ODAD3: variants seen among roughly 807,000 people sequenced by gnomAD.
The protein encoded by ODAD3 is outer dynein arm docking complex subunit 3.
A neutral mutation model predicts 70.9 loss-of-function variants in ODAD3; 57 were observed. The observed-to-expected ratio is 0.80, with a 90% confidence interval of 0.65 to 1.00. ODAD3 has a LOEUF of 1.00. Among genes scored for constraint, ODAD3 ranks in the 50% least tolerant of loss-of-function variants. The pLI, the probability that ODAD3 is intolerant of heterozygous loss-of-function variation, is 0.00. For synonymous variants in ODAD3, 327 were observed against 315.9 expected (o/e 1.04, Z -0.37); for missense variants, 797 against 763.9 (o/e 1.04, Z -0.51).
Position 11,421,776 on chromosome 19 carries a change from T to G in ODAD3, c.1491A>C (p.Pro497=). 1 of 1,613,414 alleles carries G rather than the reference T, an allele frequency of 6.2e-7. No homozygotes were observed. Among genetic ancestry groups the G allele is most frequent in the Non-Finnish European group, 8.5e-7 (1 of 1,179,988 alleles). ...ELDPQADNYV[P]NLLGLVEEKL... ...TTTCCTCCACGAGGCCCAGCAGGTTTGGCACATAGTTATCTGCCTGGGGAT... is the reference window on the plus strand; with the variant it reads ...TTTCCTCCACGAGGCCCAGCAGGTTGGGCACATAGTTATCTGCCTGGGGAT... The change falls in exon 11 of 13, where the codon CCA becomes CCC. Residue 497 remains proline (P), a synonymous_variant. Coordinates refer to ENST00000356392, the MANE Select transcript of ODAD3 (RefSeq NM_145045.5).
At chr19:11,425,362 C>CATATGTGT (rs1369700894) in intron 7 of ODAD3, among the ~76,000 whole-genome samples, 9,534 of 101,210 alleles carry the variant, frequency 0.094, 709 homozygotes, top group Admixed American at 0.17. Context: ...TGTATATGTA[C>CATATGTGT]ATATGTGTAT....
At chr19:11,425,055 G>GCA (rs1969262564) in intron 7 of ODAD3, among the ~76,000 whole-genome samples, 4 of 113,652 alleles carry the variant, frequency 3.5e-5, no homozygotes, top group Non-Finnish European at 3.3e-5. Flanking sequence ...GTATATATGT[G>GCA]TATATGTGTA....
intron 8 of ODAD3, among the ~76,000 whole-genome samples, chr19:11,423,211 C>A (rs1969183255): frequency 6.6e-6 from 1 of 152,248 alleles, no homozygotes; most frequent in African/African-American, 2.4e-5. Context: ...CGCCCGTCTT[C>A]GGAGCCATCC....
Position 11,420,792 on chromosome 19 carries a change from C to T in ODAD3, c.*43G>A, listed in dbSNP as rs971501968. On this transcript the variant is annotated 3_prime_UTR_variant, in exon 13 of 13. Transcript: ENST00000356392. ...GGGCCTGCGCTAGACCCGGAGGGAT[C>T]GGGGGCTCCGAAGGGGGCCGCCTGG... 4 of 1,540,812 alleles carry T rather than the reference C, an allele frequency of 2.6e-6. No individual in the cohort carries two copies. Among genetic ancestry groups the T allele is most frequent in the East Asian group, 4.5e-5 (2 of 44,568 alleles).
intron 7 of ODAD3, among the ~76,000 whole-genome samples, chr19:11,424,913 GTATATGTACCTATGTGTA>G (rs1969242240): frequency 8.3e-6 from 1 of 120,438 alleles, no homozygotes; most frequent in Non-Finnish European, 1.6e-5. Context: ...GTATATATGT[GTATATGTACCTATGTGTA>G]TATATGTATA....
chr19:11,425,395 G>C (rs999655914), intron 7 of ODAD3, among the ~76,000 whole-genome samples: 1 of 130,388 alleles, frequency 7.7e-6, no homozygotes, highest in South Asian at 2.2e-4. Context: ...GTACATATGT[G>C]TATATGTATA....
In ODAD3 at chr19:11,422,649, C is replaced by A. The variant is rs1479501587; in HGVS notation, c.1278-22G>T. 1 of 1,604,784 alleles carries A rather than the reference C, an allele frequency of 6.2e-7. No homozygotes were observed. The highest frequency in any genetic ancestry group is 2.2e-5 in the East Asian group (1 of 44,746). ...CTGGCTGCAGGGAGCCGGGAGGTCACCCCGGGGGCTCAGCCCGCCCCGCCG... is the reference window on the plus strand; with the variant it reads ...CTGGCTGCAGGGAGCCGGGAGGTCAACCCGGGGGCTCAGCCCGCCCCGCCG... On this transcript the variant is annotated intron_variant, in intron 9 of 12. Transcript: ENST00000356392. The surrounding 1 kb of genome is among the most constrained non-coding windows in gnomAD (Gnocchi z 4.6).
At chr19:11,434,714 T>C (rs182274947) in intron 1 of ODAD3, 59 bp downstream of exon 1, 1 of 1,540,684 alleles carries the variant, frequency 6.5e-7, no homozygotes, top group East Asian at 2.3e-5. Flanking sequence ...TGTCACACCA[T>C]GAAGATTGGA....
intron 1 of ODAD3, among the ~76,000 whole-genome samples, chr19:11,433,253 A>C (rs915442083): frequency 2.0e-5 from 3 of 151,894 alleles, no homozygotes; most frequent in African/African-American, 7.3e-5. Context: ...AACTCTGCCC[A>C]CTAGATGCCA....
chr19:11,425,105 ATATATGTGTATATGTACATATGTG>A (rs1441269226), intron 7 of ODAD3, among the ~76,000 whole-genome samples: 17 of 133,336 alleles, frequency 1.3e-4, no homozygotes, highest in Non-Finnish European at 1.8e-4. Context: ...GTATATATGT[ATATATGTGTATATGTACATATGTG>A]TATATGTGTA....
At position 11,425,235 on chromosome 19, in the gene ODAD3, A is replaced by G. The variant is rs757284894; in HGVS notation, c.963+909T>C. 2.9e-5 allele frequency among the ~76,000 whole-genome samples: 4 copies of G among 137,632 alleles called. No individual in the cohort carries two copies. The South Asian group carries it at 6.6e-4, about 23-fold the overall frequency. The allele number at this position is 137,632 out of a possible 152,430, so 90.3% of individuals were successfully genotyped here. ...TATGTGTATATATGTGTGTATATGT[A>G]CATATGTGTATATATGTATATGTAC... On this transcript the variant is annotated intron_variant, in intron 7 of 12. Coordinates refer to ENST00000356392, the MANE Select transcript of ODAD3 (RefSeq NM_145045.5).
rs61741137 is a variant in ODAD3, at chr19:11,434,844, A to G, written c.173T>C (p.Phe58Ser). ...WTPGRSKGGSFHRGAGKPSVH... is the reference protein window; with the variant it reads ...WTPGRSKGGSSHRGAGKPSVH... ...AGAGGGCTTCCCTGCACCTCTGTGG[A>G]AGGATCCTCCCTTGGAACGGCCTGG... is the stretch of plus-strand genomic sequence containing the variant. The change falls in exon 1 of 13, where the codon TTC becomes TCC. Residue 58 changes from phenylalanine to serine, a missense_variant. Coordinates refer to ENST00000356392, the MANE Select transcript of ODAD3 (RefSeq NM_145045.5). 0.012 allele frequency: 19,675 copies of G among 1,614,158 alleles called. 162 individuals are homozygous for G. Among genetic ancestry groups the G allele is most frequent in the Non-Finnish European group, 0.015 (17,433 of 1,180,022 alleles).
upstream of ODAD3, chr19:11,435,477 G>C (rs185057001): frequency 5.3e-6 from 2 of 378,386 alleles, no homozygotes; most frequent in East Asian, 1.5e-4. Context: ...CTAGCCCTCA[G>C]AACTATCCTC....
chr19:11,425,614 T>TGCATAC (rs1969345383), intron 7 of ODAD3, among the ~76,000 whole-genome samples: 28 of 142,946 alleles, frequency 2.0e-4, no homozygotes, highest in African/African-American at 7.7e-4. Context: ...TGTGTGTATA[T>TGCATAC]ATGCATATAT....
chr19:11,435,543 A>T (rs953851245), upstream of ODAD3: 1 of 556,184 alleles, frequency 1.8e-6, no homozygotes, highest in Non-Finnish European at 3.0e-6. Flanking sequence ...CACCGCCCCC[A>T]CTCCTGCCTC....
Position 11,426,935 on chromosome 19 carries a change from G to T in ODAD3, c.550C>A (p.Gln184Lys). The T allele has an allele frequency of 6.2e-7, 1 of 1,609,744 alleles. No homozygotes were observed. Among genetic ancestry groups the T allele is most frequent in the Non-Finnish European group, 8.5e-7 (1 of 1,179,394 alleles). The change falls in exon 4 of 13, where the codon CAG becomes AAG. Residue 184 changes from glutamine (Q) to lysine (K), a missense_variant. Physicochemically the swap from Gln to Lys is moderately conservative, Grantham distance 53. Coordinates refer to ENST00000356392, the MANE Select transcript of ODAD3 (RefSeq NM_145045.5). Reference sequence around the variant, plus strand: ...ATCTCCAGAAGGCGCAGGCTGTGCTGCAGCTGGAGCTCCTCCAGCCGCCTC... The same window carrying T: ...ATCTCCAGAAGGCGCAGGCTGTGCTTCAGCTGGAGCTCCTCCAGCCGCCTC... ...RQRRLEELQL[Q>K]HSLRLLEMAE...
chr19:11,424,363 G>C lies in ODAD3; in HGVS notation c.964-334C>G, dbSNP rs189839818. ...TACAAAAAACACCAAAATTAGCAGG[G>C]CGTGGTGGGGCGCCTGAAGTCCCAG... On this transcript the variant is annotated intron_variant, in intron 7 of 12. Coordinates refer to ENST00000356392, the MANE Select transcript of ODAD3 (RefSeq NM_145045.5). Among the ~76,000 whole-genome samples, 640 of 151,868 alleles carry C rather than the reference G, an allele frequency of 4.2e-3. 4 individuals are homozygous for C. Among genetic ancestry groups the C allele is most frequent in the Non-Finnish European group, 4.5e-3 (304 of 67,948 alleles).
chr19:11,435,404 T>G, upstream of ODAD3: 5 of 393,452 alleles, frequency 1.3e-5, no homozygotes, highest in Non-Finnish European at 2.3e-5. Context: ...TTTCAGGAAC[T>G]TTCTTTCCGG....
chr19:11,425,754 A>C (rs1969355482), intron 7 of ODAD3, among the ~76,000 whole-genome samples: 1 of 150,894 alleles, frequency 6.6e-6, no homozygotes, highest in Non-Finnish European at 1.5e-5. Context: ...TGAGGGCTGG[A>C]TGGGAGGCAG....
Sources: gnomAD v4.1 joint callset for allele counts (sites outside exome capture counted in the v4.1 genomes callset) on GRCh38, gnomAD v4.1.1 for gene constraint, Gnocchi (gnomAD v3.1) non-coding constraint, MANE v1.5 for transcripts, NCBI Gene and HGNC (gene_info 2026-07-23, HGNC 2026-07-21) for gene names.